Variants in KRTAP4-16 observed in about 807,000 individuals in gnomAD.
The protein encoded by KRTAP4-16 is keratin associated protein 4-16, also known as keratin-associated protein 4-16.
For synonymous variants in KRTAP4-16, 140 were observed against 88.8 expected (o/e 1.58, Z -3.24); for missense variants, 378 against 233.5 (o/e 1.62, Z -4.03).
exon 1 of KRTAP4-16, chr17:41,102,113 A>G (rs1265988334): frequency 1.3e-6 from 2 of 1,573,668 alleles, no homozygotes; most frequent in Non-Finnish European, 8.7e-7. Flanking sequence ...GTTCTGCAGC[A>G]GGTGGTCTGA....
exon 1 of KRTAP4-16, chr17:41,102,031 T>C (rs1290433122): frequency 6.3e-7 from 1 of 1,590,110 alleles, no homozygotes; most frequent in East Asian, 2.5e-5. Flanking sequence ...GCAGGTGGGC[T>C]GGCAGCACAC....
the KRTAP4-16 span, chr17:41,102,195 CTT>C: frequency 5.9e-6 from 7 of 1,180,874 alleles, no homozygotes; most frequent in South Asian, 8.6e-5. Context: ...TGCATGGCAT[CTT>C]TGAACTGCAC....
exon 1 of KRTAP4-16, chr17:41,101,505 T>G: frequency 2.2e-6 from 1 of 449,982 alleles, no homozygotes; most frequent in Non-Finnish European, 3.9e-6. Context: ...AGGAGGTTTA[T>G]TGAAGCATGC....
chr17:41,101,755 G>A (rs1461729192), exon 1 of KRTAP4-16: 2 of 1,463,652 alleles, frequency 1.4e-6, no homozygotes, highest in Admixed American at 2.0e-5. Flanking sequence ...GTGGGGGCAG[G>A]TGGAGATGAC....
exon 1 of KRTAP4-16, chr17:41,102,066 G>A: frequency 6.3e-7 from 1 of 1,596,810 alleles, no homozygotes; most frequent in Non-Finnish European, 8.6e-7. Flanking sequence ...GGGGTCTGCA[G>A]CAGCTGGACA....
chr17:41,101,698 G>GGGGAAGGGAGGAGAAGGGGTGGGGAA, the KRTAP4-16 span: 1 of 825,638 alleles, frequency 1.2e-6, no homozygotes, highest in Admixed American at 2.4e-5. Flanking sequence ...GGGAACGGGT[G>GGGGAAGGGAGGAGAAGGGGTGGGGAA]GGGAAGGGAA....
exon 1 of KRTAP4-16, chr17:41,101,722 G>A (rs1411331631): frequency 1.6e-6 from 2 of 1,216,444 alleles, no homozygotes; most frequent in East Asian, 2.7e-5. Context: ...GAGGGGAAGG[G>A]GAGGGGAGGC....
At chr17:41,101,693 C>CGGTGGGGAAGGGAGGGGAAG in the KRTAP4-16 span, 1 of 721,006 alleles carries the variant, frequency 1.4e-6, no homozygotes, top group East Asian at 3.5e-5. Context: ...GGGAGGGGAA[C>CGGTGGGGAAGGGAGGGGAAG]GGGTGGGGAA....
rs1304048243 is a variant in KRTAP4-16, at chr17:41,101,867, AGCAGCTGCTGGAGAT to A, written c.328_342del (p.Ile110_Cys114del). 3.7e-6 allele frequency: 6 copies of A among 1,607,822 alleles called. No individual in the cohort carries two copies. In the Admixed American group the frequency reaches 1.0e-4, roughly 27 times the overall value. ...CAGCTCGATTCACAGCAAGAGGGGC[AGCAGCTGCTGGAGAT>A]GCAGCAGCTGGGGTGGCAGCAGGTG... On this transcript the variant is annotated inframe_deletion, in exon 1 of 1. Transcript: ENST00000440582.
In KRTAP4-16 at chr17:41,102,177, A is replaced by C. The variant is rs754317256; in HGVS notation, c.33T>G (p.Ser11Arg). 1.0e-5 allele frequency: 14 copies of C among 1,368,840 alleles called. No homozygotes were observed. In the East Asian group the frequency reaches 2.8e-4, roughly 27 times the overall value. 84.8% of individuals were successfully genotyped at this position (1,368,840 alleles called of 1,614,324 possible). ...GGCTGGCAGCACACAGACTGGAAGC[A>C]CTGGGGCTGCATGGCATCTTTGAAC... The change falls in exon 1 of 1, where the codon AGT becomes AGG. Residue 11 changes from serine (S) to arginine (R), a missense_variant. Physicochemically the swap from Ser to Arg is moderately radical, Grantham distance 110. Coordinates refer to ENST00000440582, the Ensembl canonical transcript of KRTAP4-16.
At chr17:41,101,578 A>C in exon 1 of KRTAP4-16, 2 of 221,666 alleles carry the variant, frequency 9.0e-6, no homozygotes, top group Non-Finnish European at 7.8e-6. Flanking sequence ...GGGAGGGGAA[A>C]GTGAAGGGAG....
rs755304609 is a variant in KRTAP4-16 at position 41,101,863 on chromosome 17, G to C, written c.347C>G (p.Pro116Arg). 10 of 1,607,082 alleles carry C rather than the reference G, an allele frequency of 6.2e-6. No individual in the cohort carries two copies. The East Asian group carries it at 2.0e-4, about 32-fold the overall frequency. ...GCAGCAGCTCGATTCACAGCAAGAG[G>C]GGCAGCAGCTGCTGGAGATGCAGCA... The change falls in exon 1 of 1, where the codon CCC (proline) becomes CGC (arginine). Residue 116 changes from proline (P) to arginine (R), a missense_variant. Physicochemically the swap from Pro to Arg is moderately radical, Grantham distance 103. Transcript: ENST00000440582.
At chr17:41,101,807 C>A in exon 1 of KRTAP4-16, 2 of 1,575,970 alleles carry the variant, frequency 1.3e-6, no homozygotes, top group Non-Finnish European at 1.7e-6. Context: ...GAGACTCGAC[C>A]ACAGACTGGA....
exon 1 of KRTAP4-16, chr17:41,101,636 G>C (rs572103648): frequency 2.3e-5 from 12 of 513,902 alleles, no homozygotes; most frequent in Non-Finnish European, 4.2e-5. Flanking sequence ...GAGAGGAGGG[G>C]AGGGGAAGGG....
At chr17:41,102,135 G>A (rs762709396) in exon 1 of KRTAP4-16, 3 of 1,538,146 alleles carry the variant, frequency 2.0e-6, no homozygotes, top group Non-Finnish European at 2.7e-6. Context: ...AACAGCTGGG[G>A]TGACAGCAGT....
rs1445058726 is a variant in KRTAP4-16 at position 41,101,717 on chromosome 17, G to A, written c.493C>T (p.Pro165Ser). Residue 165 changes from proline to serine, a missense_variant, in exon 1 of 1, where the codon CCC becomes TCC. Physicochemically the swap from Pro to Ser is moderately conservative, Grantham distance 74. Transcript: ENST00000440582. ...ACGGGTGGGGAAGGGAAGGGGAGGG[G>A]AAGGGGAGGGGAGGCACAGCACAAG... is the stretch of plus-strand genomic sequence containing the variant. The A allele has an allele frequency of 6.7e-6, 7 of 1,048,388 alleles. No individual in the cohort carries two copies. The South Asian group carries it at 8.2e-5, about 12-fold the overall frequency. The allele number at this position is 1,048,388 out of a possible 1,614,324, so 64.9% of individuals were successfully genotyped here.
chr17:41,102,203 T>C (rs746803923), exon 1 of KRTAP4-16: 5 of 1,124,476 alleles, frequency 4.4e-6, no homozygotes, highest in Middle Eastern at 2.0e-4. Flanking sequence ...ATCTTTGAAC[T>C]GCACATAGTA....
chr17:41,102,194 T>A, exon 1 of KRTAP4-16: 1 of 1,198,524 alleles, frequency 8.3e-7, no homozygotes, highest in Non-Finnish European at 1.2e-6. Context: ...CTGCATGGCA[T>A]CTTTGAACTG....
chr17:41,102,117 G>A, exon 1 of KRTAP4-16: 2 of 1,570,510 alleles, frequency 1.3e-6, no homozygotes, highest in Non-Finnish European at 1.8e-6. Context: ...TGCAGCAGGT[G>A]GTCTGACAAC....
Sources: allele counts gnomAD v4.1 joint callset, GRCh38; gene constraint gnomAD v4.1.1; transcripts MANE v1.5; gene names NCBI Gene and HGNC (gene_info 2026-07-23, HGNC 2026-07-21).